The following DAB1 variants were observed in gnomAD, a reference collection of about 807,000 sequenced individuals.
DAB1 encodes the protein disabled homolog 1.
A neutral mutation model predicts 64.6 loss-of-function variants in DAB1; 15 were observed. The observed-to-expected ratio is 0.23, with a 90% confidence interval of 0.16 to 0.36. The LOEUF (loss-of-function observed/expected upper bound fraction) is 0.36, where lower values mean the gene tolerates loss of function less well. Ranked by LOEUF, DAB1 falls within the 10% of genes least tolerant of loss-of-function variation. The pLI is 1.00. For synonymous variants in DAB1, 235 were observed against 251.9 expected, an observed-to-expected ratio of 0.93 and a Z score of 0.64; for missense variants, 596 against 706.7, an observed-to-expected ratio of 0.84 and a Z score of 1.78.
intron 5 of DAB1, among the ~76,000 whole-genome samples, chr1:57,993,521 C>T (rs1646379622): frequency 6.6e-6 from 1 of 152,172 alleles, no homozygotes; most frequent in Non-Finnish European, 1.5e-5. Flanking sequence ...CTCCCCATGA[C>T]ATTTCTTGCT....
In DAB1 at chr1:58,298,842, T is replaced by C. The variant is rs187367941; in HGVS notation, n.309+44510A>G. Among the ~76,000 whole-genome samples the C allele has an allele frequency of 8.9e-4, 135 of 152,338 alleles. 1 individual carries two copies. The highest frequency in any genetic ancestry group is 1.0e-4 in the Non-Finnish European group (7 of 68,020). ...ACCCCTTCTCTGGGCTCCCAGACCC[T>C]TCCAAATTTATCCTTCTTTGTAGCA... On this transcript the variant is annotated intron_variant and non_coding_transcript_variant, in intron 4 of 20. Transcript: ENST00000485760.
At chr1:57,790,313 C>T (rs1650534938) in intron 6 of DAB1, among the ~76,000 whole-genome samples, 1 of 152,134 alleles carries the variant, frequency 6.6e-6, no homozygotes, top group East Asian at 1.9e-4. Context: ...AGGGGCTTTC[C>T]CCGTGCCTTT....
At position 57,488,718 on chromosome 1, in the gene DAB1, T is replaced by G. The variant is rs945714750; in HGVS notation, n.625+160874A>C. Reference sequence around the variant, plus strand: ...ATAAAATAAAAATAAAAATAAAAATTATATAGGTGCTGCACTGCCAGATAA... The same window carrying G: ...ATAAAATAAAAATAAAAATAAAAATGATATAGGTGCTGCACTGCCAGATAA... On this transcript the variant is annotated intron_variant and non_coding_transcript_variant, in intron 7 of 20. Coordinates refer to the DAB1 transcript ENST00000485760. Among the ~76,000 whole-genome samples the G allele has an allele frequency of 2.4e-4, 36 of 151,910 alleles. 1 individual carries two copies. The highest frequency in any genetic ancestry group is 7.4e-5 in the Non-Finnish European group (5 of 67,964).
intron 1 of DAB1, among the ~76,000 whole-genome samples, chr1:57,411,511 G>A (rs926932409): frequency 6.6e-6 from 1 of 152,198 alleles, no homozygotes; most frequent in Non-Finnish European, 1.5e-5. Context: ...GCCAGACTCT[G>A]GCCCCCAGGC....
At chr1:58,493,151 A>G (rs1489469132) in intron 3 of DAB1, among the ~76,000 whole-genome samples, 1 of 152,204 alleles carries the variant, frequency 6.6e-6, no homozygotes, top group Non-Finnish European at 1.5e-5. Context: ...TATAAACAGA[A>G]CCAACGAGAA....
In DAB1 at chr1:58,432,007, G is replaced by A. The variant is rs1023963247; in HGVS notation, n.257+74053C>T. Among the ~76,000 whole-genome samples, 3 of 152,302 alleles carry A rather than the reference G, an allele frequency of 2.0e-5. No individual in the cohort carries two copies. The East Asian group carries it at 5.8e-4, about 29-fold the overall frequency. On this transcript the variant is annotated intron_variant and non_coding_transcript_variant, in intron 3 of 20. Transcript: ENST00000485760. Reference sequence around the variant, plus strand: ...TGAACATAGATTTCTCAGAAGCTCTGGAGCGATGGGTTTGGAACAAATGTG... The same window carrying A: ...TGAACATAGATTTCTCAGAAGCTCTAGAGCGATGGGTTTGGAACAAATGTG...
intron 7 of DAB1, among the ~76,000 whole-genome samples, chr1:57,598,248 C>A (rs533024856): frequency 1.2e-4 from 19 of 152,388 alleles, no homozygotes; most frequent in African/African-American, 4.6e-4. Flanking sequence ...TCCCAAAGTG[C>A]TGGGATTACA....
intron 7 of DAB1, among the ~76,000 whole-genome samples, chr1:57,522,223 A>G (rs909932364): frequency 3.3e-5 from 5 of 152,194 alleles, no homozygotes; most frequent in African/African-American, 1.2e-4. Context: ...GGTCTGGCTA[A>G]GACTATATAC....
At position 57,192,292 on chromosome 1, in the gene DAB1, G is replaced by T. The variant is rs1050062154; in HGVS notation, c.68-46863C>A. ...AGAGAGCAGCACTACACTCCAGCCCGGGTGACAGAGCAAGTGAGACTCCAT... is the reference window on the plus strand; with the variant it reads ...AGAGAGCAGCACTACACTCCAGCCCTGGTGACAGAGCAAGTGAGACTCCAT... On this transcript the variant is annotated intron_variant, in intron 2 of 14. Coordinates refer to ENST00000371236, the MANE Select transcript of DAB1 (RefSeq NM_001365792.1). Among the ~76,000 whole-genome samples the T allele has an allele frequency of 1.4e-4, 21 of 150,272 alleles. No homozygotes were observed. In the Admixed American group the frequency reaches 1.4e-3, roughly 10 times the overall value.
At chr1:57,151,623 C>T (rs896986741) in intron 2 of DAB1, among the ~76,000 whole-genome samples, 2 of 151,862 alleles carry the variant, frequency 1.3e-5, no homozygotes, top group Admixed American at 6.6e-5. Context: ...GACTGGGGTC[C>T]TCAGAACAAA....
At chr1:58,400,955 G>A (rs1312481359) in intron 3 of DAB1, among the ~76,000 whole-genome samples, 1 of 152,128 alleles carries the variant, frequency 6.6e-6, no homozygotes, top group African/African-American at 2.4e-5. Context: ...GACTGGGGGA[G>A]GCAGTGTGGT....
intron 7 of DAB1, among the ~76,000 whole-genome samples, chr1:57,507,610 C>T (rs554259483): frequency 6.6e-6 from 1 of 152,288 alleles, no homozygotes; most frequent in African/African-American, 2.4e-5. Flanking sequence ...CACTCAGCAT[C>T]ATCCTTTCCC....
chr1:57,266,577 T>A (rs539741410), intron 2 of DAB1, among the ~76,000 whole-genome samples: 5 of 152,356 alleles, frequency 3.3e-5, no homozygotes, highest in African/African-American at 1.2e-4. Flanking sequence ...AAGGTGCTTA[T>A]CATACTGGAC....
intron 5 of DAB1, among the ~76,000 whole-genome samples, chr1:57,897,883 G>A (rs573928110): frequency 1.3e-5 from 2 of 152,230 alleles, no homozygotes; most frequent in African/African-American, 4.8e-5. Flanking sequence ...GAGATAATGT[G>A]ACTCCAAATC....
At chr1:57,816,154 T>C (rs915772341) in intron 6 of DAB1, among the ~76,000 whole-genome samples, 1 of 152,166 alleles carries the variant, frequency 6.6e-6, no homozygotes, top group African/African-American at 2.4e-5. Flanking sequence ...CAGTGAGAAG[T>C]CCTTGTCTGC....
chr1:57,166,637 A>AGTCAG (rs1661234168), intron 2 of DAB1, among the ~76,000 whole-genome samples: 1 of 152,198 alleles, frequency 6.6e-6, no homozygotes, highest in Non-Finnish European at 1.5e-5. Context: ...GTGGTATTGA[A>AGTCAG]GTCAGGTCTC....
At chr1:57,745,531 A>C (rs754763924) in intron 6 of DAB1, among the ~76,000 whole-genome samples, 3 of 152,156 alleles carry the variant, frequency 2.0e-5, no homozygotes, top group Non-Finnish European at 1.5e-5. Context: ...CATTCCAGGG[A>C]AAAAACCCTA....
chr1:57,961,853 T>C (rs894010855), intron 5 of DAB1, among the ~76,000 whole-genome samples: 4 of 152,098 alleles, frequency 2.6e-5, no homozygotes, highest in South Asian at 2.1e-4. Context: ...TGTCCTGTAA[T>C]CCCAGCTACT....
At chr1:58,430,645 G>T (rs926070156) in intron 3 of DAB1, among the ~76,000 whole-genome samples, 3 of 152,182 alleles carry the variant, frequency 2.0e-5, no homozygotes, top group Non-Finnish European at 2.9e-5. Flanking sequence ...GACAAGAACG[G>T]AGCCCATAAT....
Sources: gnomAD v4.1 joint callset for allele counts (sites outside exome capture counted in the v4.1 genomes callset) on GRCh38, gnomAD v4.1.1 for gene constraint, MANE v1.5 for transcripts, NCBI Gene and HGNC (gene_info 2026-07-23, HGNC 2026-07-21) for gene names.